Variants in SPON1 observed in about 807,000 individuals in gnomAD.
SPON1 encodes the protein spondin-1.
SPON1 carries 52 observed loss-of-function variants against 111.7 expected under a neutral mutation model. That is an observed-to-expected ratio of 0.47 (90% CI 0.37 to 0.59). The LOEUF (loss-of-function observed/expected upper bound fraction) is 0.59, where lower values mean the gene tolerates loss of function less well. Ranked by LOEUF, SPON1 falls within the 20% of genes least tolerant of loss-of-function variation. The probability of loss-of-function intolerance (pLI) is 0.00; values close to 1 mark genes in which losing one functional copy is unlikely to be tolerated. For synonymous variants in SPON1, 410 were observed against 395.8 expected (o/e 1.04, Z -0.43); for missense variants, 957 against 1,068.5 (o/e 0.90, Z 1.46).
chr11:14,249,655 T>C (rs540972674), intron 7 of SPON1, among the ~76,000 whole-genome samples: 2 of 151,264 alleles, frequency 1.3e-5, no homozygotes, highest in South Asian at 2.1e-4. Flanking sequence ...TGTGGATCTG[T>C]AATTTAGGAG....
intron 6 of SPON1, among the ~76,000 whole-genome samples, chr11:14,218,081 A>G (rs561848522): frequency 3.7e-4 from 56 of 152,332 alleles, no homozygotes; most frequent in Non-Finnish European, 7.1e-4. Flanking sequence ...AATTGAATGT[A>G]TGATTATCAT....
intron 6 of SPON1, among the ~76,000 whole-genome samples, chr11:14,189,639 G>A (rs1038703241): frequency 2.7e-4 from 41 of 152,220 alleles, no homozygotes; most frequent in African/African-American, 7.9e-4. Context: ...TGTCTCCAAC[G>A]CAGTTCGCTG....
At chr11:14,007,570 A>G (rs1449827165) in intron 2 of SPON1, among the ~76,000 whole-genome samples, 1 of 152,186 alleles carries the variant, frequency 6.6e-6, no homozygotes, top group Non-Finnish European at 1.5e-5. Context: ...TGCCTTCCCC[A>G]GTCCACTGAC....
chr11:14,020,265 A>C (rs1848471098), intron 2 of SPON1, among the ~76,000 whole-genome samples: 1 of 152,168 alleles, frequency 6.6e-6, no homozygotes, highest in African/African-American at 2.4e-5. Context: ...AAATAGGAGA[A>C]GAAATCCAGA....
intron 5 of SPON1, among the ~76,000 whole-genome samples, chr11:14,102,826 T>TA (rs1554924514): frequency 6.6e-6 from 1 of 152,260 alleles, no homozygotes; most frequent in Admixed American, 6.5e-5. Context: ...GTTTAACACC[T>TA]AATTTACATT....
intron 5 of SPON1, among the ~76,000 whole-genome samples, chr11:14,086,172 C>G (rs1554922583): frequency 6.6e-6 from 1 of 152,086 alleles, no homozygotes; most frequent in Non-Finnish European, 1.5e-5. Context: ...GTCAGAACTT[C>G]CAATAGTATG....
chr11:14,110,178 AAG>A (rs1849217041), intron 5 of SPON1, among the ~76,000 whole-genome samples: 1 of 152,172 alleles, frequency 6.6e-6, no homozygotes, highest in South Asian at 2.1e-4. Context: ...AGGAGAGAAT[AAG>A]AGGAAATTCC....
At chr11:14,120,598 T>G (rs573895808) in intron 5 of SPON1, among the ~76,000 whole-genome samples, 4 of 152,268 alleles carry the variant, frequency 2.6e-5, no homozygotes, top group African/African-American at 9.6e-5. Context: ...GCACTCCCAA[T>G]GCTGACTATG....
intron 5 of SPON1, among the ~76,000 whole-genome samples, chr11:14,098,392 G>A (rs782161581): frequency 2.6e-5 from 4 of 152,178 alleles, no homozygotes; most frequent in Non-Finnish European, 4.4e-5. Context: ...CAATTTGCTA[G>A]ACTATTCATC....
At chr11:14,090,278 G>C (rs1456891534) in intron 5 of SPON1, among the ~76,000 whole-genome samples, 3 of 151,958 alleles carry the variant, frequency 2.0e-5, no homozygotes, top group Non-Finnish European at 4.4e-5. Flanking sequence ...TTGAAAGCCA[G>C]GGCCCTGGAC....
intron 6 of SPON1, among the ~76,000 whole-genome samples, chr11:14,147,776 C>T (rs1009965517): frequency 1.5e-5 from 2 of 136,990 alleles, no homozygotes; most frequent in African/African-American, 5.4e-5. Context: ...AGAGGAGTCT[C>T]GCTAAACAAA....
intron 6 of SPON1, among the ~76,000 whole-genome samples, chr11:14,208,719 AT>A (rs1564931474): frequency 6.6e-6 from 1 of 152,214 alleles, no homozygotes; most frequent in African/African-American, 2.4e-5. Context: ...TCATATCATT[AT>A]TATTAAATAA....
chr11:14,094,786 G>A (rs576756636), intron 5 of SPON1, among the ~76,000 whole-genome samples: 21 of 152,356 alleles, frequency 1.4e-4, no homozygotes, highest in Admixed American at 5.2e-4. Context: ...TAGGGCAGGA[G>A]AGAGATAAGG....
chr11:14,249,855 C>T (rs1285410324), intron 7 of SPON1, among the ~76,000 whole-genome samples: 1 of 152,162 alleles, frequency 6.6e-6, no homozygotes, highest in Non-Finnish European at 1.5e-5. Context: ...GATGATGCTC[C>T]CATTTGGCAG....
At chr11:14,078,495 G>A (rs1383603353) in intron 4 of SPON1, among the ~76,000 whole-genome samples, 1 of 152,012 alleles carries the variant, frequency 6.6e-6, no homozygotes, top group Non-Finnish European at 1.5e-5. Context: ...ATTGAAAAAA[G>A]CAATACAGAA....
intron 3 of SPON1, among the ~76,000 whole-genome samples, chr11:14,049,728 A>C (rs1554918257): frequency 6.6e-6 from 1 of 152,074 alleles, no homozygotes; most frequent in East Asian, 1.9e-4. Context: ...CACAAACTGA[A>C]ATCCAGAAAG....
chr11:14,184,281 T>C (rs1848263950), intron 6 of SPON1, among the ~76,000 whole-genome samples: 2 of 152,214 alleles, frequency 1.3e-5, no homozygotes, highest in Non-Finnish European at 2.9e-5. Flanking sequence ...ATTACAATCA[T>C]GATTGCAATT....
At chr11:14,149,359 G>C (rs1247415200) in intron 6 of SPON1, among the ~76,000 whole-genome samples, 3 of 152,124 alleles carry the variant, frequency 2.0e-5, no homozygotes, top group African/African-American at 4.8e-5. Context: ...AGGATATAAA[G>C]AATGAAAACA....
At position 14,079,931 on chromosome 11, in the gene SPON1, A is replaced by G; in HGVS notation, c.586A>G (p.Ile196Val). ...ATTTGATGGGGTGACTGACAAACCC[A>G]TCTTAGACTGCTGTGCCTGCGGAAC... ...STFDGVTDKPILDCCACGTAK... is the reference protein window; with the variant it reads ...STFDGVTDKPVLDCCACGTAK... Residue 196 changes from isoleucine (I) to valine (V), a missense_variant, in exon 5 of 16, where the codon ATC becomes GTC. By Grantham distance (29) the Ile-to-Val change is conservative. Around this residue, in one of 5 missense-constraint regions of SPON1, gnomAD observed 262 missense variants for 253.9 expected, o/e 1.03. Transcript: ENST00000576479. 1 of 1,614,006 alleles carries G rather than the reference A, an allele frequency of 6.2e-7. No homozygotes were observed. Among genetic ancestry groups the G allele is most frequent in the Non-Finnish European group, 8.5e-7 (1 of 1,179,886 alleles).
Sources: allele counts gnomAD v4.1 joint callset (sites outside exome capture counted in the v4.1 genomes callset), GRCh38; gene constraint gnomAD v4.1.1; regional missense constraint gnomAD v4.1.1; transcripts MANE v1.5; gene names NCBI Gene and HGNC (gene_info 2026-07-23, HGNC 2026-07-21).